The following SLC24A3 variants were observed in gnomAD, a reference collection of about 807,000 sequenced individuals.
SLC24A3 encodes the protein sodium/potassium/calcium exchanger 3.
Under a neutral mutation model 75.8 loss-of-function variants are expected in SLC24A3, and 28 were observed. That is an observed-to-expected ratio of 0.37 (90% CI 0.27 to 0.51). The LOEUF is 0.51. Ranked by LOEUF, SLC24A3 falls within the 20% of genes least tolerant of loss-of-function variation. SLC24A3 has a pLI of 0.94. For missense variants in SLC24A3, 663 were observed against 847.8 expected (o/e 0.78, Z 2.71); for synonymous variants, 372 against 334.1 (o/e 1.11, Z -1.24).
intron 6 of SLC24A3, among the ~76,000 whole-genome samples, chr20:19,641,520 C>T (rs976348250): frequency 2.6e-5 from 4 of 152,204 alleles, no homozygotes; most frequent in African/African-American, 9.7e-5. Context: ...ACAAAATGCG[C>T]TGTGACTTCT....
At chr20:19,545,297 C>T (rs1375179548) in intron 3 of SLC24A3, among the ~76,000 whole-genome samples, 3 of 152,166 alleles carry the variant, frequency 2.0e-5, no homozygotes, top group Non-Finnish European at 2.9e-5. Flanking sequence ...AAACGCAGGT[C>T]GGGAGGAGAG....
At chr20:19,684,630 T>C (rs1228655402) in intron 11 of SLC24A3, among the ~76,000 whole-genome samples, 1 of 152,206 alleles carries the variant, frequency 6.6e-6, no homozygotes, top group East Asian at 1.9e-4. Context: ...CCCCCTGATA[T>C]GAACTTGCAC....
intron 2 of SLC24A3, among the ~76,000 whole-genome samples, chr20:19,416,627 A>G (rs1316165036): frequency 1.3e-5 from 2 of 152,194 alleles, no homozygotes; most frequent in African/African-American, 2.4e-5. Context: ...GTAAATTGAT[A>G]TAGTACAAGA....
chr20:19,307,260 G>A (rs6081565), intron 2 of SLC24A3, among the ~76,000 whole-genome samples: 43,727 of 151,854 alleles, frequency 0.29, 6,978 homozygotes, highest in Middle Eastern at 0.51. Context: ...TTATAGTACC[G>A]GGTGTGTGAT....
intron 2 of SLC24A3, among the ~76,000 whole-genome samples, chr20:19,441,312 A>T (rs1987296049): frequency 6.6e-6 from 1 of 152,116 alleles, no homozygotes; most frequent in Non-Finnish European, 1.5e-5. Flanking sequence ...CCTCATAGCC[A>T]CACACAGGGC....
At chr20:19,381,351 A>G (rs1986177958) in intron 2 of SLC24A3, among the ~76,000 whole-genome samples, 1 of 152,208 alleles carries the variant, frequency 6.6e-6, no homozygotes, top group South Asian at 2.1e-4. Context: ...GCAGACGGTA[A>G]TAAGAGCTGA....
intron 2 of SLC24A3, among the ~76,000 whole-genome samples, chr20:19,463,545 T>C (rs1198850158): frequency 6.6e-6 from 1 of 152,158 alleles, no homozygotes; most frequent in Non-Finnish European, 1.5e-5. Context: ...AGAGCATGAA[T>C]TTGAGGTTGT....
intron 2 of SLC24A3, among the ~76,000 whole-genome samples, chr20:19,402,529 C>G (rs1488477886): frequency 6.6e-6 from 1 of 152,094 alleles, no homozygotes; most frequent in African/African-American, 2.4e-5. Context: ...ATTAGACAGC[C>G]CAGCAATATT....
intron 3 of SLC24A3, among the ~76,000 whole-genome samples, chr20:19,573,699 A>G (rs1289628163): frequency 6.6e-6 from 1 of 152,266 alleles, no homozygotes; most frequent in Admixed American, 6.5e-5. Flanking sequence ...GGCTGCTGCC[A>G]TTCCAGACAT....
At position 19,244,045 on chromosome 20, in the gene SLC24A3, T is replaced by C. The variant is rs547833821; in HGVS notation, c.142+31061T>C. The stretch of plus-strand genomic sequence containing the variant: ...AAATATAGCTCCCTTTTAAACGTAT[T>C]CTGTCATCCAATTGTTTGACAATTA... On this transcript the variant is annotated intron_variant, in intron 1 of 16. Coordinates refer to ENST00000328041, the MANE Select transcript of SLC24A3 (RefSeq NM_020689.4). 3.9e-5 allele frequency: 6 copies of C among 152,320 alleles called. No homozygotes were observed. In the South Asian group the frequency reaches 1.0e-3, roughly 26 times the overall value. The allele number at this position is 152,320 out of a possible 1,614,324, so 9.4% of individuals were successfully genotyped here.
intron 2 of SLC24A3, among the ~76,000 whole-genome samples, chr20:19,336,002 G>T (rs555945172): frequency 1.3e-5 from 2 of 152,294 alleles, no homozygotes; most frequent in South Asian, 4.1e-4. Context: ...GTACATAATT[G>T]CAAGTCCATC....
At chr20:19,602,122 C>T (rs1234178676) in intron 6 of SLC24A3, among the ~76,000 whole-genome samples, 3 of 152,016 alleles carry the variant, frequency 2.0e-5, no homozygotes, top group African/African-American at 7.2e-5. Flanking sequence ...TGCAGTGAGC[C>T]GAGATTGTGC....
intron 15 of SLC24A3, among the ~76,000 whole-genome samples, chr20:19,699,987 A>C (rs142107182): frequency 7.6e-4 from 116 of 152,308 alleles, no homozygotes; most frequent in African/African-American, 2.7e-3. Context: ...TGGGGTACAA[A>C]CCAATGTCAT....
chr20:19,540,712 T>A (rs769167196), intron 3 of SLC24A3, among the ~76,000 whole-genome samples: 1 of 152,206 alleles, frequency 6.6e-6, no homozygotes, highest in South Asian at 2.1e-4. Context: ...GCTGCATTCA[T>A]GGGTAAGTTT....
chr20:19,717,841 C>A (rs1341959186), intron 16 of SLC24A3, among the ~76,000 whole-genome samples: 2 of 152,314 alleles, frequency 1.3e-5, no homozygotes, highest in Middle Eastern at 3.4e-3. Context: ...ACCATTTTCC[C>A]AAACACAAAG....
chr20:19,268,080 A>G (rs1226517407), intron 1 of SLC24A3, among the ~76,000 whole-genome samples: 1 of 152,188 alleles, frequency 6.6e-6, no homozygotes, highest in Non-Finnish European at 1.5e-5. Context: ...TTCAAATAAT[A>G]TTGGCAAATC....
chr20:19,232,159 C>CT (rs1279304313), intron 1 of SLC24A3, among the ~76,000 whole-genome samples: 1 of 152,148 alleles, frequency 6.6e-6, no homozygotes, highest in African/African-American at 2.4e-5. Flanking sequence ...ATTATCTACC[C>CT]TTGACAATCA....
chr20:19,260,107 A>C (rs919589067), intron 1 of SLC24A3, among the ~76,000 whole-genome samples: 2 of 152,208 alleles, frequency 1.3e-5, no homozygotes, highest in Non-Finnish European at 2.9e-5. Context: ...GAGGTGATCA[A>C]CTTCATCATT....
Position 19,638,855 on chromosome 20 carries a change from G to C in SLC24A3, c.613-15207G>C, listed in dbSNP as rs368117116. Among the ~76,000 whole-genome samples, 8 of 152,252 alleles carry C rather than the reference G, an allele frequency of 5.3e-5. 1 individual carries two copies. The highest frequency in any genetic ancestry group is 1.3e-4 in the Admixed American group (2 of 15,298). ...TGGAGTTGTTCGTTCCTCCCAGTGG[G>C]CTCGTGGGCTTGCTGGTTTCAGGAG... is the stretch of plus-strand genomic sequence containing the variant. On this transcript the variant is annotated intron_variant, in intron 6 of 16. Coordinates refer to ENST00000328041, the MANE Select transcript of SLC24A3 (RefSeq NM_020689.4).
Sources: gnomAD v4.1 joint callset for allele counts (sites outside exome capture counted in the v4.1 genomes callset) on GRCh38, gnomAD v4.1.1 for gene constraint, MANE v1.5 for transcripts, NCBI Gene and HGNC (gene_info 2026-07-23, HGNC 2026-07-21) for gene names.